The following HSCB variants were observed in gnomAD, a reference collection of about 807,000 sequenced individuals.
HSCB encodes HscB mitochondrial iron-sulfur cluster cochaperone, also known as iron-sulfur cluster co-chaperone protein HscB.
A neutral mutation model predicts 31.3 loss-of-function variants in HSCB; 23 were observed. That is an observed-to-expected ratio of 0.74 (90% CI 0.53 to 1.04). The LOEUF is 1.04. Ranked by LOEUF, HSCB falls within the 50% of genes least tolerant of loss-of-function variation. HSCB has a pLI of 0.00. For synonymous variants in HSCB, 110 were observed against 104.5 expected (o/e 1.05, Z -0.32); for missense variants, 297 against 288.1 (o/e 1.03, Z -0.22).
Position 28,757,116 on chromosome 22 carries a change from A to G in HSCB, c.655A>G (p.Arg219Gly). 6.4e-7 allele frequency: 1 copy of G among 1,570,330 alleles called. No homozygotes were observed. The highest frequency in any genetic ancestry group is 8.8e-7 in the Non-Finnish European group (1 of 1,140,528). Residue 219 changes from arginine (R) to glycine (G), a missense_variant, in exon 6 of 6, where the codon AGA (arginine) becomes GGA (glycine). Physicochemically the swap from Arg to Gly is moderately radical, Grantham distance 125. Transcript: ENST00000216027. The stretch of plus-strand genomic sequence containing the variant: ...AGCCAAGGAAATTTTGACAAAGATG[A>G]GATACTTTTCAAATATAGAAGAAAA... ...EEAKEILTKM[R>G]YFSNIEEKIK...
At chr22:28,751,181 TG>T in intron 4 of HSCB, 59 bp from the exon 5 acceptor site, 2 of 1,005,458 alleles carry the variant, frequency 2.0e-6, no homozygotes, top group South Asian at 1.4e-5. Flanking sequence ...GTTTAAGTAT[TG>T]TCTTCATATT....
At chr22:28,751,104 G>C in intron 4 of HSCB, 137 bp from the exon 5 acceptor site, 2 of 607,176 alleles carry the variant, frequency 3.3e-6, no homozygotes. Context: ...AGAGACAAAG[G>C]TTATGAAGCC....
chr22:28,742,970 T>C (rs2054607914), intron 1 of HSCB, among the ~76,000 whole-genome samples: 1 of 151,846 alleles, frequency 6.6e-6, no homozygotes, highest in South Asian at 2.1e-4. Flanking sequence ...GGGAGTAGAA[T>C]GTGAAAGGGG....
intron 4 of HSCB, among the ~76,000 whole-genome samples, chr22:28,749,400 TC>T (rs1348816207): frequency 6.6e-6 from 1 of 152,150 alleles, no homozygotes. Flanking sequence ...AATCATCACT[TC>T]CTCAGAGAAG....
At chr22:28,752,510 G>A (rs892002792) in intron 5 of HSCB, among the ~76,000 whole-genome samples, 2 of 151,754 alleles carry the variant, frequency 1.3e-5, no homozygotes, top group African/African-American at 4.8e-5. Context: ...TGAGGCTGGC[G>A]GATCACAAGG....
chr22:28,750,889 G>C (rs897096189), intron 4 of HSCB, among the ~76,000 whole-genome samples: 1 of 144,550 alleles, frequency 6.9e-6, no homozygotes, highest in Non-Finnish European at 1.5e-5. Flanking sequence ...TGTTCTCCTT[G>C]CTGAAATGTC....
intron 5 of HSCB, among the ~76,000 whole-genome samples, chr22:28,755,072 G>T (rs987073971): frequency 6.7e-6 from 1 of 149,326 alleles, no homozygotes; most frequent in Admixed American, 6.6e-5. Flanking sequence ...GGGATTACAG[G>T]CGTGAGCCAC....
At chr22:28,749,620 T>C (rs1487350194) in intron 4 of HSCB, among the ~76,000 whole-genome samples, 1 of 152,194 alleles carries the variant, frequency 6.6e-6, no homozygotes, top group Non-Finnish European at 1.5e-5. Flanking sequence ...ACTTGGTATT[T>C]ACTAAATGAG....
intron 4 of HSCB, among the ~76,000 whole-genome samples, chr22:28,746,268 C>G: frequency 6.7e-6 from 1 of 150,302 alleles, no homozygotes; most frequent in East Asian, 2.0e-4. Context: ...GTAGTCCCAG[C>G]TACTCGGGAG....
chr22:28,747,656 A>G (rs531400110), intron 4 of HSCB, among the ~76,000 whole-genome samples: 2 of 152,306 alleles, frequency 1.3e-5, no homozygotes, highest in Non-Finnish European at 2.9e-5. Flanking sequence ...AAGTTGACGC[A>G]TAAAATTAAC....
chr22:28,748,037 T>C (rs571886651), intron 4 of HSCB, among the ~76,000 whole-genome samples: 17 of 152,152 alleles, frequency 1.1e-4, no homozygotes, highest in African/African-American at 3.6e-4. Context: ...TATAAAAAAT[T>C]AGCCGGGCGT....
intron 2 of HSCB, 23 bp from the exon 3 acceptor site, chr22:28,744,592 A>G: frequency 6.6e-7 from 1 of 1,510,554 alleles, no homozygotes; most frequent in Non-Finnish European, 9.2e-7. Flanking sequence ...TGGTAATAGT[A>G]CTATCTTCAT....
At position 28,742,250 on chromosome 22, in the gene HSCB, G is replaced by A. The variant is rs932257117; in HGVS notation, c.155G>A (p.Arg52Gln). The A allele has an allele frequency of 6.2e-7, 1 of 1,614,050 alleles. No homozygotes were observed. The highest frequency in any genetic ancestry group is 8.5e-7 in the Non-Finnish European group (1 of 1,180,012). Residue 52 changes from arginine (R) to glutamine (Q), a missense_variant, in exon 1 of 6, where the codon CGG becomes CAG. Physicochemically the swap from Arg to Gln is conservative, Grantham distance 43. Coordinates refer to ENST00000216027, the MANE Select transcript of HSCB (RefSeq NM_172002.5). ...WNCGGPWGPG[R>Q]EDRFFCPQCR... ...TGCGGCGGCCCATGGGGCCCCGGGCGGGAGGACAGGTTCTTCTGCCCACAG... is the reference window on the plus strand; with the variant it reads ...TGCGGCGGCCCATGGGGCCCCGGGCAGGAGGACAGGTTCTTCTGCCCACAG...
rs2054581421 is a variant in HSCB at position 28,742,320 on chromosome 22, C to T, written c.225C>T (p.Ser75=). Residue 75 remains serine (S), a synonymous_variant, in exon 1 of 6, where the codon AGC becomes AGT. Transcript: ENST00000216027. ...QAPDPTRDYF[S]LMDCNRSFRV... ...CTGACCCCACTCGAGACTACTTCAG[C>T]CTTATGGACTGGTACGAGCGACGGT... 2 of 1,613,388 alleles carry T rather than the reference C, an allele frequency of 1.2e-6. No homozygotes were observed. Among genetic ancestry groups the T allele is most frequent in the Non-Finnish European group, 1.7e-6 (2 of 1,179,458 alleles).
At chr22:28,750,236 C>T (rs887837590) in intron 4 of HSCB, among the ~76,000 whole-genome samples, 6 of 97,688 alleles carry the variant, frequency 6.1e-5, no homozygotes, top group Non-Finnish European at 9.3e-5. Flanking sequence ...GCAACAAGAG[C>T]GAAACTGTCT....
chr22:28,748,152 T>G (rs1455565302), intron 4 of HSCB, among the ~76,000 whole-genome samples: 3 of 152,190 alleles, frequency 2.0e-5, no homozygotes, highest in African/African-American at 7.2e-5. Flanking sequence ...GCCACTGCAC[T>G]CCAGCCTGAG....
chr22:28,745,398 A>T (rs1467053375), intron 3 of HSCB: 2 of 152,358 alleles, frequency 1.3e-5, no homozygotes, highest in African/African-American at 4.8e-5. Flanking sequence ...AAATACAAAA[A>T]AATTAGCCGG....
intron 5 of HSCB, among the ~76,000 whole-genome samples, chr22:28,756,564 G>T (rs1447043928): frequency 6.6e-6 from 1 of 151,776 alleles, no homozygotes; most frequent in African/African-American, 2.4e-5. Flanking sequence ...AAACTCCTGG[G>T]CTCAAGGGAT....
chr22:28,757,384 C>A lies in HSCB; in HGVS notation c.*215C>A, dbSNP rs189159237. The A allele has an allele frequency of 5.9e-3, 2,365 of 398,620 alleles. 14 individuals are homozygous for A. Among genetic ancestry groups the A allele is most frequent in the Non-Finnish European group, 7.0e-3 (1,490 of 212,480 alleles). The allele number at this position is 398,620 out of a possible 1,614,324, so 24.7% of individuals were successfully genotyped here. On this transcript the variant is annotated 3_prime_UTR_variant, in exon 6 of 6. Transcript: ENST00000216027. ...CCTGTAATCCCAGCTACTTGGTAGG[C>A]CGAGGCAGGAGAATCGCTTAAACCC...
Sources: allele counts gnomAD v4.1 joint callset (sites outside exome capture counted in the v4.1 genomes callset), GRCh38; gene constraint gnomAD v4.1.1; transcripts MANE v1.5; gene names NCBI Gene and HGNC (gene_info 2026-07-23, HGNC 2026-07-21).